ACSS3: variants seen among roughly 807,000 people sequenced by gnomAD.
The protein encoded by ACSS3 is acyl-CoA synthetase short-chain family member 3, mitochondrial.
ACSS3 carries 64 observed loss-of-function variants against 84.2 expected under a neutral mutation model. That is an observed-to-expected ratio of 0.76 (90% confidence interval 0.62 to 0.94). The LOEUF is 0.94. ACSS3 is among the 40% of genes least tolerant of loss of function. ACSS3 has a pLI of 0.00. For synonymous variants in ACSS3, 317 were observed against 310.1 expected (o/e 1.02, Z -0.23); for missense variants, 815 against 867.6 (o/e 0.94, Z 0.76).
At chr12:81,180,556 C>G (rs1346092848) in intron 8 of ACSS3, among the ~76,000 whole-genome samples, 2 of 152,064 alleles carry the variant, frequency 1.3e-5, no homozygotes, top group Non-Finnish European at 2.9e-5. Context: ...CACTCTGTTG[C>G]CCAGGCTGGA....
At chr12:81,174,496 A>G (rs1394599901) in intron 7 of ACSS3, 3 of 231,954 alleles carry the variant, frequency 1.3e-5, no homozygotes, top group African/African-American at 2.2e-5. Context: ...AGAATGTTTT[A>G]TATTCTTAAT....
At position 81,234,936 on chromosome 12, in the gene ACSS3, C is replaced by T. The variant is rs182899449; in HGVS notation, c.1719+1465C>T. Among the ~76,000 whole-genome samples, 76 of 150,956 alleles carry T rather than the reference C, an allele frequency of 5.0e-4. 1 individual carries two copies. The highest frequency in any genetic ancestry group is 3.7e-3 in the South Asian group (18 of 4,816). ...TCTAATTTATCATTTTTTTCTTTTACGGATTATGATTTTGGTATTGTATAT... is the reference window on the plus strand; with the variant it reads ...TCTAATTTATCATTTTTTTCTTTTATGGATTATGATTTTGGTATTGTATAT... On this transcript the variant is annotated intron_variant, in intron 13 of 15. Coordinates refer to ENST00000548058, the MANE Select transcript of ACSS3 (RefSeq NM_024560.4).
intron 1 of ACSS3, among the ~76,000 whole-genome samples, chr12:81,093,014 GTT>G (rs5799516): frequency 7.3e-5 from 11 of 151,604 alleles, no homozygotes; most frequent in East Asian, 1.9e-4. Flanking sequence ...TGTGTTTAAG[GTT>G]TTTTTTTGGG....
intron 2 of ACSS3, among the ~76,000 whole-genome samples, chr12:81,122,668 T>C (rs1388155176): frequency 2.0e-5 from 3 of 152,198 alleles, no homozygotes; most frequent in Non-Finnish European, 4.4e-5. Context: ...TTTCAAACAC[T>C]CATTTGGGAA....
intron 11 of ACSS3, among the ~76,000 whole-genome samples, chr12:81,230,101 T>C (rs2033407498): frequency 6.6e-6 from 1 of 151,912 alleles, no homozygotes; most frequent in African/African-American, 2.4e-5. Context: ...TTCAATTTTC[T>C]CAGCATGAGA....
At chr12:81,188,416 A>G (rs1593176095) in intron 8 of ACSS3, among the ~76,000 whole-genome samples, 2 of 152,074 alleles carry the variant, frequency 1.3e-5, no homozygotes, top group South Asian at 2.1e-4. Context: ...TTTAAAAGTT[A>G]TAATTATTAC....
In ACSS3 at chr12:81,078,128, C is replaced by T; in HGVS notation, c.8C>T (p.Pro3Leu). MK[P>L]SWLQCRKVTS... ...CGCGGGTGGCCGGAGGAGATGAAAC[C>T]GTCTTGGCTGCAGTGTCGTAAAGTC... Residue 3 changes from proline (P) to leucine (L), a missense_variant, in exon 1 of 16, where the codon CCG (proline) becomes CTG (leucine). Pro to Leu is a moderately conservative substitution (Grantham distance 98). Coordinates refer to ENST00000548058, the MANE Select transcript of ACSS3 (RefSeq NM_024560.4). 1 of 1,482,234 alleles carries T rather than the reference C, an allele frequency of 6.7e-7. No homozygotes were observed. Among genetic ancestry groups the T allele is most frequent in the Non-Finnish European group, 8.9e-7 (1 of 1,118,826 alleles). 91.8% of individuals were successfully genotyped at this position (1,482,234 alleles called of 1,614,324 possible).
At chr12:81,083,972 GAAC>G (rs1306491881) in intron 1 of ACSS3, among the ~76,000 whole-genome samples, 4 of 151,938 alleles carry the variant, frequency 2.6e-5, no homozygotes, top group African/African-American at 4.8e-5. Flanking sequence ...AAACAAACAA[GAAC>G]AACAACAAAA....
chr12:81,093,568 C>A (rs1280540818), intron 1 of ACSS3, among the ~76,000 whole-genome samples: 2 of 150,236 alleles, frequency 1.3e-5, no homozygotes, highest in Non-Finnish European at 3.0e-5. Context: ...GCAGGAAAGT[C>A]AAATATCTTG....
chr12:81,253,773 C>T, intron 15 of ACSS3, 103 bp downstream of exon 15: 1 of 1,129,678 alleles, frequency 8.9e-7, no homozygotes, highest in Non-Finnish European at 1.3e-6. Flanking sequence ...TGAATTGCAT[C>T]TCTAGAAAAC....
At chr12:81,118,948 A>G (rs1347669237) in intron 2 of ACSS3, among the ~76,000 whole-genome samples, 1 of 152,210 alleles carries the variant, frequency 6.6e-6, no homozygotes, top group Non-Finnish European at 1.5e-5. Flanking sequence ...GAAAGGACCA[A>G]CCTGGCCACA....
At chr12:81,193,444 C>T (rs975857835) in intron 8 of ACSS3, among the ~76,000 whole-genome samples, 3 of 151,978 alleles carry the variant, frequency 2.0e-5, no homozygotes, top group African/African-American at 7.2e-5. Context: ...ACAGCATTAT[C>T]ATTTTTCCAT....
intron 13 of ACSS3, among the ~76,000 whole-genome samples, chr12:81,252,452 A>G (rs1032443450): frequency 1.2e-4 from 19 of 152,174 alleles, no homozygotes; most frequent in Non-Finnish European, 2.9e-5. Context: ...AAGGACTGCC[A>G]GATGTGCTGT....
chr12:81,188,387 A>G (rs1334382484), intron 8 of ACSS3, among the ~76,000 whole-genome samples: 1 of 152,082 alleles, frequency 6.6e-6, no homozygotes, highest in Non-Finnish European at 1.5e-5. Flanking sequence ...TATATACAGA[A>G]AAGAACATAA....
Position 81,202,172 on chromosome 12 carries a change from G to A in ACSS3, c.1354+2728G>A, listed in dbSNP as rs192066077. On this transcript the variant is annotated intron_variant, in intron 9 of 15. Transcript: ENST00000548058. ...TGGGTGCATGTAATCCCAACTACTT[G>A]GGAGGCTGAGGCAGGAGAATGGCAT... Among the ~76,000 whole-genome samples the A allele has an allele frequency of 3.5e-4, 53 of 152,094 alleles. 1 individual carries two copies. In the East Asian group the frequency reaches 7.7e-3, roughly 22 times the overall value.
At chr12:81,139,635 A>ATT (rs1565999406) in intron 4 of ACSS3, among the ~76,000 whole-genome samples, 98 of 145,854 alleles carry the variant, frequency 6.7e-4, no homozygotes, top group East Asian at 6.6e-3. Context: ...TAATAATAAT[A>ATT]ATTATTGTTA....
chr12:81,178,320 G>T (rs902499664), intron 8 of ACSS3, among the ~76,000 whole-genome samples: 1 of 145,266 alleles, frequency 6.9e-6, no homozygotes, highest in African/African-American at 2.5e-5. Context: ...GTTGTGGGAT[G>T]GGGGGAGGGG....
At chr12:81,130,975 C>T (rs1315567860) in intron 2 of ACSS3, among the ~76,000 whole-genome samples, 3 of 152,204 alleles carry the variant, frequency 2.0e-5, no homozygotes, top group South Asian at 4.1e-4. Flanking sequence ...CTGTTCTGTT[C>T]AATTGGTCTA....
chr12:81,201,180 A>G (rs774292390), intron 9 of ACSS3, among the ~76,000 whole-genome samples: 17 of 152,224 alleles, frequency 1.1e-4, no homozygotes, highest in Non-Finnish European at 2.2e-4. Context: ...TGCATCTGCA[A>G]GAAAAATGTT....
Sources: allele counts gnomAD v4.1 joint callset (sites outside exome capture counted in the v4.1 genomes callset), GRCh38; gene constraint gnomAD v4.1.1; transcripts MANE v1.5; gene names NCBI Gene and HGNC (gene_info 2026-07-23, HGNC 2026-07-21).